ZNF106: variants seen among roughly 807,000 people sequenced by gnomAD.
ZNF106 encodes zinc finger protein 106, also known as SH3-domain binding protein 3.
A neutral mutation model predicts 195.1 loss-of-function variants in ZNF106; 67 were observed. The observed-to-expected ratio is 0.34, with a 90% confidence interval of 0.28 to 0.42. The LOEUF is 0.42. Among genes scored for constraint, ZNF106 ranks in the 10% least tolerant of loss-of-function variants. The pLI, the probability that ZNF106 is intolerant of heterozygous loss-of-function variation, is 1.00. For synonymous variants in ZNF106, 784 were observed against 818.6 expected (o/e 0.96, Z 0.72); for missense variants, 2,118 against 2,304.5 (o/e 0.92, Z 1.66).
Position 42,415,607 on chromosome 15 carries a change from T to C in ZNF106, c.*1697A>G, listed in dbSNP as rs1018915386. On this transcript the variant is annotated 3_prime_UTR_variant, in exon 22 of 22. Coordinates refer to ENST00000564754, the MANE Select transcript of ZNF106 (RefSeq NM_001366845.3). ...GCCTGAGGGAAGACATGTGAGTGGA[T>C]ATATGTGCACTAACAGGGGCGAAGA... 3.3e-5 allele frequency: 13 copies of C among 394,402 alleles called. No homozygotes were observed. The highest frequency in any genetic ancestry group is 3.8e-4 in the Middle Eastern group (1 of 2,646). The allele number at this position is 394,402 out of a possible 1,614,324, so 24.4% of individuals were successfully genotyped here. A position where few individuals can be genotyped will look rare whatever the true frequency, so the allele number is the denominator to read the frequency against.
At chr15:42,485,767 A>C (rs2141463547) in intron 1 of ZNF106, among the ~76,000 whole-genome samples, 1 of 152,340 alleles carries the variant, frequency 6.6e-6, no homozygotes, top group Middle Eastern at 3.4e-3. Flanking sequence ...CGTATGCACA[A>C]CAATAAACAA....
At chr15:42,440,498 A>T (rs1177203734) in intron 10 of ZNF106, among the ~76,000 whole-genome samples, 1 of 152,180 alleles carries the variant, frequency 6.6e-6, no homozygotes, top group Admixed American at 6.5e-5. Context: ...AAATCATTAT[A>T]TATTAAATGG....
intron 3 of ZNF106, among the ~76,000 whole-genome samples, chr15:42,464,196 C>T (rs1321642216): frequency 1.4e-5 from 2 of 147,196 alleles, no homozygotes; most frequent in East Asian, 2.0e-4. Flanking sequence ...TAAAATTAGC[C>T]GGATGTGGTG....
intron 1 of ZNF106, among the ~76,000 whole-genome samples, chr15:42,486,050 C>T (rs111814819): frequency 3.4e-4 from 51 of 151,816 alleles, no homozygotes; most frequent in Admixed American, 9.9e-4. Context: ...CTCCACCTCC[C>T]GGGTTCAATC....
chr15:42,464,307 T>C (rs1430112065), intron 3 of ZNF106, among the ~76,000 whole-genome samples: 1 of 150,524 alleles, frequency 6.6e-6, no homozygotes, highest in Non-Finnish European at 1.5e-5. Context: ...ACCACTGCAC[T>C]CTAACCTGGG....
In ZNF106 at chr15:42,425,036, A is replaced by C. The variant is rs762077195; in HGVS notation, c.4999-11T>G. 21 of 1,613,150 alleles carry C rather than the reference A, an allele frequency of 1.3e-5. No homozygotes were observed. Among genetic ancestry groups the C allele is most frequent in the Non-Finnish European group, 1.5e-5 (18 of 1,179,290 alleles). On this transcript the variant is annotated splice_polypyrimidine_tract_variant and intron_variant, in intron 15 of 21. Coordinates refer to ENST00000564754, the MANE Select transcript of ZNF106 (RefSeq NM_001366845.3). ...AAGTCGTTTGTTGTTCTGGAAAATA[A>C]GCCAAGATTACAGCTAAAACCAACT...
chr15:42,464,321 C>G (rs573538272), intron 3 of ZNF106, among the ~76,000 whole-genome samples: 1 of 148,126 alleles, frequency 6.8e-6, no homozygotes, highest in Non-Finnish European at 1.5e-5. Context: ...ACCTGGGCAA[C>G]AGAGTGAGAC....
intron 4 of ZNF106, among the ~76,000 whole-genome samples, chr15:42,452,499 G>A (rs1206114841): frequency 6.6e-6 from 1 of 151,568 alleles, no homozygotes; most frequent in East Asian, 1.9e-4. Flanking sequence ...CTCCAGCCTG[G>A]GTAACACAGT....
At chr15:42,459,382 A>C (rs1177242781) in intron 3 of ZNF106, among the ~76,000 whole-genome samples, 1 of 152,110 alleles carries the variant, frequency 6.6e-6, no homozygotes. Context: ...AGGCTGAGGC[A>C]GGAGAATCGC....
intron 1 of ZNF106, among the ~76,000 whole-genome samples, chr15:42,485,547 G>T (rs1297296030): frequency 4.6e-5 from 7 of 152,060 alleles, no homozygotes; most frequent in Admixed American, 4.6e-4. Context: ...GGTGAACAGG[G>T]TGTCTAAACA....
chr15:42,452,049 C>T (rs1339473676), intron 4 of ZNF106, 95 bp from the exon 5 acceptor site: 8 of 1,365,950 alleles, frequency 5.9e-6, no homozygotes, highest in African/African-American at 1.5e-5. Context: ...ACTTTCCTCC[C>T]GTTACTTAGA....
Position 42,438,276 on chromosome 15 carries a change from A to G in ZNF106, c.4600+336T>C, listed in dbSNP as rs576639293. 2.0e-5 allele frequency among the ~76,000 whole-genome samples: 3 copies of G among 152,332 alleles called. No homozygotes were observed. In the South Asian group the frequency reaches 6.2e-4, roughly 32 times the overall value. ...CGTGATGGCGCGCACCTGTGGTCCC[A>G]GCTATTTGGGAGGCTGAGGCAGGAG... is the stretch of plus-strand genomic sequence containing the variant. On this transcript the variant is annotated intron_variant, in intron 12 of 21. Transcript: ENST00000564754.
intron 4 of ZNF106, among the ~76,000 whole-genome samples, chr15:42,453,891 T>C (rs1364539665): frequency 6.6e-6 from 1 of 152,168 alleles, no homozygotes; most frequent in Non-Finnish European, 1.5e-5. Flanking sequence ...GTATTCTTAT[T>C]ATTCCTACTT....
In ZNF106 at chr15:42,437,156, T is replaced by C. The variant is rs2055310029; in HGVS notation, c.4746+76A>G. The C allele has an allele frequency of 5.4e-6, 8 of 1,493,366 alleles. No individual in the cohort carries two copies. The East Asian group carries it at 1.9e-4, about 35-fold the overall frequency. 92.5% of individuals were successfully genotyped at this position (1,493,366 alleles called of 1,614,324 possible). A position where few individuals can be genotyped will look rare whatever the true frequency, so the allele number is the denominator to read the frequency against. On this transcript the variant is annotated intron_variant, in intron 13 of 21. Transcript: ENST00000564754. Reference sequence around the variant, plus strand: ...CCTTCAGACAGCCAACAAATTCCCTTTATTGTTTAAAAAAGTATAAACTGG... The same window carrying C: ...CCTTCAGACAGCCAACAAATTCCCTCTATTGTTTAAAAAAGTATAAACTGG...
At chr15:42,449,360 T>C (rs568140716) in intron 5 of ZNF106, among the ~76,000 whole-genome samples, 20 of 152,324 alleles carry the variant, frequency 1.3e-4, no homozygotes, top group Admixed American at 1.0e-3. Flanking sequence ...ATTCGTAGGT[T>C]CTAAGTAAAA....
chr15:42,424,234 C>G, intron 16 of ZNF106, 174 bp from the exon 17 acceptor site: 1 of 581,266 alleles, frequency 1.7e-6, no homozygotes, highest in Non-Finnish European at 3.1e-6. Flanking sequence ...ACCCCCCTAC[C>G]AAGCATGCTA....
intron 7 of ZNF106, among the ~76,000 whole-genome samples, chr15:42,445,525 TTGTC>T (rs1355886455): frequency 6.6e-6 from 1 of 152,224 alleles, no homozygotes; most frequent in Non-Finnish European, 1.5e-5. Flanking sequence ...ATCATTGTGT[TTGTC>T]TGTTTCCTAT....
chr15:42,472,039 G>A (rs1277893497), intron 2 of ZNF106, among the ~76,000 whole-genome samples, 197 bp downstream of exon 2: 2 of 152,124 alleles, frequency 1.3e-5, no homozygotes, highest in African/African-American at 4.8e-5. Flanking sequence ...TACAGGTACT[G>A]GCTTTAGGAG....
intron 2 of ZNF106, among the ~76,000 whole-genome samples, chr15:42,471,684 T>C (rs1022170142): frequency 5.3e-5 from 8 of 152,202 alleles, no homozygotes; most frequent in Non-Finnish European, 1.0e-4. Flanking sequence ...TGAGCTGAGA[T>C]TGCGCCACTG....
Sources: gnomAD v4.1 joint callset for allele counts (sites outside exome capture counted in the v4.1 genomes callset) on GRCh38, gnomAD v4.1.1 for gene constraint, MANE v1.5 for transcripts, NCBI Gene and HGNC (gene_info 2026-07-23, HGNC 2026-07-21) for gene names.